SDK2: variants seen among roughly 807,000 people sequenced by gnomAD.
SDK2 encodes sidekick cell adhesion molecule 2, also known as protein sidekick-2.
A neutral mutation model predicts 253.9 loss-of-function variants in SDK2; 105 were observed. The ratio of observed to expected loss-of-function variants is 0.41; its 90% CI spans 0.35 to 0.49. The LOEUF (loss-of-function observed/expected upper bound fraction) is 0.49, where lower values mean the gene tolerates loss of function less well. SDK2 is among the 20% of genes least tolerant of loss of function. The pLI, the probability that SDK2 is intolerant of heterozygous loss-of-function variation, is 0.06. For synonymous variants in SDK2, 1,249 were observed against 1,234.9 expected (o/e 1.01, Z -0.24); for missense variants, 2,608 against 3,003.0 (o/e 0.87, Z 3.07).
intron 2 of SDK2, among the ~76,000 whole-genome samples, chr17:73,492,824 CGGGGAGGGGA>C (rs890653872): frequency 2.0e-5 from 3 of 151,800 alleles, no homozygotes; most frequent in African/African-American, 7.3e-5. Context: ...GGGCTGGGGG[CGGGGAGGGGA>C]GTCAGGCGCC....
At chr17:73,449,775 C>A (rs1033941486) in intron 4 of SDK2, among the ~76,000 whole-genome samples, 13 of 151,744 alleles carry the variant, frequency 8.6e-5, no homozygotes, top group Admixed American at 2.6e-4. Flanking sequence ...ACAAAATTAG[C>A]CGGGTGTGGT....
intron 1 of SDK2, among the ~76,000 whole-genome samples, chr17:73,565,713 G>A (rs770760996): frequency 1.3e-5 from 2 of 152,262 alleles, no homozygotes; most frequent in Non-Finnish European, 2.9e-5. Flanking sequence ...GTGCAGTCTA[G>A]CGGGTGGTGT....
chr17:73,527,866 G>C (rs547741332), intron 1 of SDK2, among the ~76,000 whole-genome samples: 1 of 152,308 alleles, frequency 6.6e-6, no homozygotes, highest in East Asian at 1.9e-4. Flanking sequence ...GATGCTGAGG[G>C]GAGAGGAGGT....
intron 1 of SDK2, among the ~76,000 whole-genome samples, chr17:73,576,363 G>A (rs1244111372): frequency 6.6e-6 from 1 of 152,184 alleles, no homozygotes; most frequent in Non-Finnish European, 1.5e-5. Context: ...TCCCAAGGAT[G>A]AGAGGGGCGT....
chr17:73,429,618 T>G (rs1488542416), intron 12 of SDK2, among the ~76,000 whole-genome samples: 1 of 152,244 alleles, frequency 6.6e-6, no homozygotes, highest in Non-Finnish European at 1.5e-5. Flanking sequence ...TTTCTCCCAG[T>G]GCAGGAGCGC....
At chr17:73,382,205 G>A (rs112452697) in intron 33 of SDK2, among the ~76,000 whole-genome samples, 3 of 129,140 alleles carry the variant, frequency 2.3e-5, no homozygotes, top group African/African-American at 8.5e-5. Flanking sequence ...CAACAAGAGT[G>A]AAAACTCCAT....
chr17:73,625,420 G>T (rs78777318), intron 1 of SDK2, among the ~76,000 whole-genome samples: 1 of 152,158 alleles, frequency 6.6e-6, no homozygotes, highest in East Asian at 1.9e-4. Flanking sequence ...AGGGTCCTAG[G>T]TGGTGGCCTC....
At chr17:73,373,883 T>C (rs59262719) in intron 36 of SDK2, among the ~76,000 whole-genome samples, 10,351 of 138,408 alleles carry the variant, frequency 0.075, 891 homozygotes, top group East Asian at 0.2. Context: ...GTGATCTGCC[T>C]ACCTTGGCTT....
chr17:73,415,798 A>C lies in SDK2; in HGVS notation c.2368+13T>G, dbSNP rs1407153980. ...GCCACCGCGCCTGGTCTGAGACCACAGTCTCTACCTACCTCCCTGCAGCGT... is the reference window on the plus strand; with the variant it reads ...GCCACCGCGCCTGGTCTGAGACCACCGTCTCTACCTACCTCCCTGCAGCGT... On this transcript the variant is annotated intron_variant, in intron 17 of 44. Transcript: ENST00000392650. 4 of 1,548,644 alleles carry C rather than the reference A, an allele frequency of 2.6e-6. No individual in the cohort carries two copies. Among genetic ancestry groups the C allele is most frequent in the South Asian group, 1.2e-5 (1 of 83,970 alleles).
intron 6 of SDK2, among the ~76,000 whole-genome samples, chr17:73,440,483 C>T (rs768692451): frequency 6.6e-6 from 1 of 152,186 alleles, no homozygotes; most frequent in Non-Finnish European, 1.5e-5. Context: ...AGAGGGCTCG[C>T]TTTGAGAGGC....
intron 1 of SDK2, among the ~76,000 whole-genome samples, chr17:73,569,958 T>G (rs2045361130): frequency 6.6e-6 from 1 of 152,040 alleles, no homozygotes; most frequent in South Asian, 2.1e-4. Context: ...CTGCAGCAGG[T>G]CCTGAGTTAC....
intron 2 of SDK2, among the ~76,000 whole-genome samples, chr17:73,479,518 ACT>A (rs772246453): frequency 2.6e-5 from 4 of 152,224 alleles, no homozygotes; most frequent in Admixed American, 6.5e-5. Flanking sequence ...ATCGGGCAAA[ACT>A]CTGTCCAGGG....
chr17:73,491,189 G>A (rs1331079149), intron 2 of SDK2, among the ~76,000 whole-genome samples: 2 of 152,086 alleles, frequency 1.3e-5, no homozygotes, highest in Admixed American at 6.6e-5. Context: ...TCCTTCATCT[G>A]TCCTTGCTCT....
intron 18 of SDK2, among the ~76,000 whole-genome samples, chr17:73,407,466 C>CA (rs200110400): frequency 6.6e-6 from 1 of 151,868 alleles, no homozygotes; most frequent in East Asian, 1.9e-4. Flanking sequence ...AAAAACAAAA[C>CA]AAAAAAAATC....
intron 1 of SDK2, among the ~76,000 whole-genome samples, chr17:73,636,839 A>G (rs1283280992): frequency 2.0e-5 from 3 of 152,198 alleles, no homozygotes; most frequent in Non-Finnish European, 4.4e-5. Flanking sequence ...AGAAGTACAA[A>G]TATAGTTAAA....
At chr17:73,617,470 T>C (rs551593322) in intron 1 of SDK2, among the ~76,000 whole-genome samples, 1 of 152,256 alleles carries the variant, frequency 6.6e-6, no homozygotes, top group East Asian at 1.9e-4. Flanking sequence ...CTCCTGGCTC[T>C]GATTTTTAAC....
At chr17:73,409,835 G>C (rs1599537301) in intron 18 of SDK2, among the ~76,000 whole-genome samples, 1 of 36,672 alleles carries the variant, frequency 2.7e-5, no homozygotes, top group East Asian at 9.1e-4. Context: ...CTCTCTCTGT[G>C]TCTGTCTGTC....
Position 73,391,552 on chromosome 17 carries a change from A to G in SDK2, c.3899-14T>C. ...GTGGTCCTGGGACTGGAGGGGGCAA[A>G]GGAGAGGAGGCCGACCCATGAGGCT... On this transcript the variant is annotated splice_polypyrimidine_tract_variant and intron_variant, in intron 27 of 44. Transcript: ENST00000392650. 7.9e-7 allele frequency: 1 copy of G among 1,268,582 alleles called. No homozygotes were observed. The highest frequency in any genetic ancestry group is 1.5e-5 in the African/African-American group (1 of 65,724). 78.6% of individuals were successfully genotyped at this position (1,268,582 alleles called of 1,614,324 possible).
chr17:73,603,094 C>T (rs2045862073), intron 1 of SDK2, among the ~76,000 whole-genome samples: 3 of 152,144 alleles, frequency 2.0e-5, no homozygotes, highest in Admixed American at 2.0e-4. Context: ...CACTCACCAC[C>T]CTCCCAGGTT....
Sources: allele counts gnomAD v4.1 joint callset (sites outside exome capture counted in the v4.1 genomes callset), GRCh38; gene constraint gnomAD v4.1.1; transcripts MANE v1.5; gene names NCBI Gene and HGNC (gene_info 2026-07-23, HGNC 2026-07-21).